NCKAP5: variants seen among roughly 807,000 people sequenced by gnomAD.
NCKAP5 encodes nck-associated protein 5.
NCKAP5 carries 92 observed loss-of-function variants against 167.0 expected under a neutral mutation model. The observed-to-expected ratio is 0.55, with a 90% CI of 0.47 to 0.66. The LOEUF is 0.66. Among genes scored for constraint, NCKAP5 ranks in the 30% least tolerant of loss-of-function variants. The pLI is 0.00. For synonymous variants in NCKAP5, 891 were observed against 877.4 expected (o/e 1.02, Z -0.27); for missense variants, 2,378 against 2,315.0 (o/e 1.03, Z -0.56).
At chr2:133,665,559 A>G in the NCKAP5 span, among the ~76,000 whole-genome samples, 18 of 152,246 alleles carry the variant, frequency 1.2e-4, no homozygotes, top group African/African-American at 3.9e-4. Context: ...AGATCACCAA[A>G]GCAGATATAT....
chr2:133,358,327 G>T (rs1684875241), intron 3 of NCKAP5, among the ~76,000 whole-genome samples: 1 of 152,136 alleles, frequency 6.6e-6, no homozygotes, highest in Admixed American at 6.5e-5. Context: ...CGTAATCTCA[G>T]TGGGAGTTTG....
chr2:132,922,459 A>G (rs1471385853), intron 8 of NCKAP5, among the ~76,000 whole-genome samples: 1 of 152,046 alleles, frequency 6.6e-6, no homozygotes, highest in Non-Finnish European at 1.5e-5. Context: ...CTTTAATGAG[A>G]CCCCAAAGGT....
intron 5 of NCKAP5, among the ~76,000 whole-genome samples, chr2:133,180,587 C>T (rs866879010): frequency 6.6e-5 from 10 of 152,220 alleles, no homozygotes; most frequent in South Asian, 4.2e-4. Context: ...CATCCATCCG[C>T]CTTGGCCTCC....
chr2:133,216,834 T>A (rs1574410193), intron 4 of NCKAP5, among the ~76,000 whole-genome samples: 1 of 151,866 alleles, frequency 6.6e-6, no homozygotes. Flanking sequence ...GTCGGAGGAG[T>A]AAGATGCAGA....
chr2:133,137,910 G>C (rs558642199), intron 5 of NCKAP5, among the ~76,000 whole-genome samples: 1 of 152,210 alleles, frequency 6.6e-6, no homozygotes, highest in Admixed American at 6.5e-5. Flanking sequence ...TATTCCTGAC[G>C]CAAGTCCTGC....
intron 2 of NCKAP5, among the ~76,000 whole-genome samples, chr2:133,525,545 T>A (rs1271487387): frequency 6.6e-6 from 1 of 152,202 alleles, no homozygotes; most frequent in Non-Finnish European, 1.5e-5. Flanking sequence ...TGAACTAAGT[T>A]TCTTAGGAAG....
In NCKAP5 at chr2:133,275,023, G is replaced by A. The variant is rs554801391; in HGVS notation, c.143+28014C>T. Among the ~76,000 whole-genome samples, 5 of 151,224 alleles carry A rather than the reference G, an allele frequency of 3.3e-5. No individual in the cohort carries two copies. The South Asian group carries it at 1.0e-3, about 32-fold the overall frequency. On this transcript the variant is annotated intron_variant, in intron 4 of 19. Coordinates refer to ENST00000409261, the MANE Select transcript of NCKAP5 (RefSeq NM_207363.3). The stretch of plus-strand genomic sequence containing the variant: ...AGACTAGAAGAACCATGAAAAATAT[G>A]TATTATAAACAGAATACATATCCTA...
At chr2:132,818,905 C>G (rs1686494091) in intron 11 of NCKAP5, among the ~76,000 whole-genome samples, 1 of 152,244 alleles carries the variant, frequency 6.6e-6, no homozygotes, top group East Asian at 1.9e-4. Flanking sequence ...ATTTAAAAAT[C>G]AAGTTGAACT....
At chr2:133,248,366 C>T (rs1323524283) in intron 4 of NCKAP5, among the ~76,000 whole-genome samples, 1 of 152,250 alleles carries the variant, frequency 6.6e-6, no homozygotes, top group Non-Finnish European at 1.5e-5. Flanking sequence ...CAAACAAAAC[C>T]ACCCAGAGTT....
rs200273883 is a variant in NCKAP5, at chr2:132,887,356, C to T, written c.580-8440G>A. On this transcript the variant is annotated intron_variant, in intron 8 of 19. Coordinates refer to ENST00000409261, the MANE Select transcript of NCKAP5 (RefSeq NM_207363.3). Reference sequence around the variant, plus strand: ...CTATCTATCTATCTATCTATCCATCCATCCATCTTTCCATCCATCCATCCA... The same window carrying T: ...CTATCTATCTATCTATCTATCCATCTATCCATCTTTCCATCCATCCATCCA... 4.8e-3 allele frequency among the ~76,000 whole-genome samples: 366 copies of T among 76,750 alleles called. 1 individual carries two copies. The highest frequency in any genetic ancestry group is 0.014 in the African/African-American group (316 of 22,142). 50.4% of individuals were successfully genotyped at this position (76,750 alleles called of 152,430 possible). A position where few individuals can be genotyped will look rare whatever the true frequency, so the allele number is the denominator to read the frequency against.
chr2:133,545,992 G>C (rs1343705933), intron 2 of NCKAP5, among the ~76,000 whole-genome samples: 1 of 152,140 alleles, frequency 6.6e-6, no homozygotes, highest in African/African-American at 2.4e-5. Context: ...GGAAATCTGA[G>C]CCGGAACAAA....
intron 10 of NCKAP5, among the ~76,000 whole-genome samples, chr2:132,867,785 T>C (rs1690475645): frequency 2.0e-5 from 3 of 152,350 alleles, no homozygotes; most frequent in Admixed American, 6.5e-5. Flanking sequence ...TGTCGGTTTA[T>C]ATGTGAGAAA....
At chr2:133,599,913 A>G in the NCKAP5 span, among the ~76,000 whole-genome samples, 2 of 152,252 alleles carry the variant, frequency 1.3e-5, no homozygotes, top group African/African-American at 4.8e-5. Flanking sequence ...ATGCCTAGCA[A>G]CAACTTTAAA....
At chr2:133,136,617 G>A (rs1219689878) in intron 5 of NCKAP5, among the ~76,000 whole-genome samples, 1 of 152,130 alleles carries the variant, frequency 6.6e-6, no homozygotes, top group South Asian at 2.1e-4. Flanking sequence ...GATAATATTC[G>A]AATTGAGTCA....
intron 5 of NCKAP5, among the ~76,000 whole-genome samples, chr2:133,210,251 A>T (rs1398264174): frequency 6.6e-6 from 1 of 151,034 alleles, no homozygotes; most frequent in African/African-American, 2.4e-5. Flanking sequence ...CTGCTTTGGG[A>T]CTATCTTAAA....
chr2:133,383,119 G>C (rs1286781860), intron 3 of NCKAP5, among the ~76,000 whole-genome samples: 1 of 151,968 alleles, frequency 6.6e-6, no homozygotes, highest in Non-Finnish European at 1.5e-5. Flanking sequence ...ACAGTGTGCA[G>C]GTTTGTTACA....
At chr2:132,826,484 C>T (rs1369118695) in intron 11 of NCKAP5, among the ~76,000 whole-genome samples, 1 of 152,162 alleles carries the variant, frequency 6.6e-6, no homozygotes, top group Non-Finnish European at 1.5e-5. Flanking sequence ...AACCAAGGGG[C>T]TATTAGAGGT....
chr2:132,996,702 A>T (rs1443280491), intron 6 of NCKAP5, among the ~76,000 whole-genome samples: 1 of 152,238 alleles, frequency 6.6e-6, no homozygotes, highest in Non-Finnish European at 1.5e-5. Flanking sequence ...TTTCTAATGT[A>T]TCTCTCTCAA....
chr2:132,709,792 C>T (rs774579447), intron 19 of NCKAP5, among the ~76,000 whole-genome samples: 1 of 152,024 alleles, frequency 6.6e-6, no homozygotes, highest in Non-Finnish European at 1.5e-5. Flanking sequence ...CTAACTTATA[C>T]AACTTATAAA....
Sources: gnomAD v4.1 joint callset for allele counts (sites outside exome capture counted in the v4.1 genomes callset) on GRCh38, gnomAD v4.1.1 for gene constraint, MANE v1.5 for transcripts, NCBI Gene and HGNC (gene_info 2026-07-23, HGNC 2026-07-21) for gene names.